Variants in KDM3B observed in about 807,000 individuals in gnomAD.
KDM3B encodes the protein lysine-specific demethylase 3B.
Under a neutral mutation model 170.0 loss-of-function variants are expected in KDM3B, and 10 were observed. That is an observed-to-expected ratio of 0.06 (90% CI 0.04 to 0.10). KDM3B has a LOEUF of 0.10. KDM3B is among the 10% of genes least tolerant of loss of function. The pLI is 1.00. For synonymous variants in KDM3B, 831 were observed against 834.8 expected, an observed-to-expected ratio of 1.00 and a Z score of 0.08; for missense variants, 1,394 against 2,195.2, an observed-to-expected ratio of 0.64 and a Z score of 7.29.
intron 12 of KDM3B, 59 bp downstream of exon 12, chr5:138,415,298 A>C (rs1763074018): frequency 9.2e-6 from 10 of 1,086,946 alleles, no homozygotes; most frequent in African/African-American, 1.6e-5. Flanking sequence ...AGATAGCCAT[A>C]CACCATAAAA....
chr5:138,359,852 A>G (rs537343080), intron 1 of KDM3B, among the ~76,000 whole-genome samples: 1 of 151,994 alleles, frequency 6.6e-6, no homozygotes, highest in African/African-American at 2.4e-5. Flanking sequence ...TTAATCTTTC[A>G]TCTCTCTTTC....
intron 4 of KDM3B, among the ~76,000 whole-genome samples, chr5:138,378,802 GAT>G (rs374288567): frequency 2.0e-4 from 28 of 143,148 alleles, no homozygotes; most frequent in African/African-American, 4.2e-4. Context: ...TATATATCAT[GAT>G]ATATATATAT....
Position 138,436,833 on chromosome 5 carries a change from C to T in KDM3B, c.*1133C>T, listed in dbSNP as rs952304981. On this transcript the variant is annotated 3_prime_UTR_variant, in exon 24 of 24. Transcript: ENST00000314358. ...GGTGGGATTCATTGGCCCATAGGTA[C>T]ATTGGAAAATGTATATCTCTCCAGC... 2.0e-5 allele frequency: 3 copies of T among 151,290 alleles called. No homozygotes were observed. The highest frequency in any genetic ancestry group is 7.3e-5 in the African/African-American group (3 of 41,098). The allele number at this position is 151,290 out of a possible 1,614,324, so 9.4% of individuals were successfully genotyped here. A position where few individuals can be genotyped will look rare whatever the true frequency, so the allele number is the denominator to read the frequency against.
intron 16 of KDM3B, among the ~76,000 whole-genome samples, chr5:138,424,920 T>C (rs945571486): frequency 2.0e-5 from 3 of 152,254 alleles, no homozygotes; most frequent in African/African-American, 7.2e-5. Context: ...GGCATTGATA[T>C]CTTTAGAGAA....
chr5:138,393,745 G>A (rs565010013), intron 9 of KDM3B, among the ~76,000 whole-genome samples: 1 of 152,292 alleles, frequency 6.6e-6, no homozygotes, highest in South Asian at 2.1e-4. Context: ...CTTGAGTCAT[G>A]TTAAAAAGAC....
Position 138,380,335 on chromosome 5 carries a change from GATATATAATTTATATGAT to G in KDM3B, c.705+644_705+661del, listed in dbSNP as rs200488861. On this transcript the variant is annotated intron_variant, in intron 5 of 23. Transcript: ENST00000314358. The stretch of plus-strand genomic sequence containing the variant: ...TTTATATGATATATATGAGTTATAT[GATATATAATTTATATGAT>G]ATATATAATTTATATGCTCTATAAT... Among the ~76,000 whole-genome samples the G allele has an allele frequency of 9.4e-3, 1,396 of 148,392 alleles. 11 individuals are homozygous for G. Among genetic ancestry groups the G allele is most frequent in the Admixed American group, 0.027 (396 of 14,810 alleles).
chr5:138,355,250 G>T (rs1761421113), intron 1 of KDM3B, among the ~76,000 whole-genome samples: 2 of 152,198 alleles, frequency 1.3e-5, no homozygotes, highest in Non-Finnish European at 2.9e-5. Context: ...TTAAGGATGA[G>T]TAATTGAGGG....
chr5:138,368,474 G>T (rs1166587477), intron 1 of KDM3B, among the ~76,000 whole-genome samples: 1 of 151,866 alleles, frequency 6.6e-6, no homozygotes. Context: ...GAACTGCTGG[G>T]CTCAAGTGAT....
At position 138,425,363 on chromosome 5, in the gene KDM3B, G is replaced by A. The variant is rs775017870; in HGVS notation, c.4240-48G>A. On this transcript the variant is annotated intron_variant, in intron 16 of 23. Transcript: ENST00000314358. ...CCTATTCTGTCTCAGCCCTAGAGCT[G>A]GAAGTTTTTCCTAGATTGCTCTGAT... The A allele has an allele frequency of 9.1e-5, 144 of 1,583,292 alleles. 1 individual carries two copies. In the East Asian group the frequency reaches 3.2e-3, roughly 35 times the overall value.
rs1237522695 is a variant in KDM3B at position 138,432,969 on chromosome 5, C to T, written c.5205+1410C>T. ...CTGTGTTAGCCAGGATGGTCTTGAT[C>T]GCCTGACCTCGTGATCCGCCTGCCT... On this transcript the variant is annotated intron_variant, in intron 23 of 23. Transcript: ENST00000314358. Among the ~76,000 whole-genome samples, 3 of 152,126 alleles carry T rather than the reference C, an allele frequency of 2.0e-5. No homozygotes were observed. The East Asian group carries it at 5.8e-4, about 30-fold the overall frequency.
intron 11 of KDM3B, among the ~76,000 whole-genome samples, chr5:138,407,402 G>T (rs532564706): frequency 6.6e-6 from 1 of 152,004 alleles, no homozygotes; most frequent in African/African-American, 2.4e-5. Context: ...TAAGAACTTG[G>T]TCTTTTCCTC....
chr5:138,399,554 A>G (rs186946438), intron 10 of KDM3B, among the ~76,000 whole-genome samples: 1 of 151,814 alleles, frequency 6.6e-6, no homozygotes, highest in Non-Finnish European at 1.5e-5. Context: ...ATATATATAT[A>G]TATTTTTTTA....
chr5:138,398,883 ATTTCTTTTTTTTTT>A (rs1762608877), intron 10 of KDM3B, among the ~76,000 whole-genome samples: 1 of 135,188 alleles, frequency 7.4e-6, no homozygotes, highest in African/African-American at 2.6e-5. Context: ...TATATCCTAA[ATTTCTTTTTTTTTT>A]TTTTTTTTTG....
At position 138,436,611 on chromosome 5, in the gene KDM3B, C is replaced by A. The variant is rs1763679967; in HGVS notation, c.*911C>A. The A allele has an allele frequency of 6.6e-6, 1 of 152,126 alleles. No homozygotes were observed. The highest frequency in any genetic ancestry group is 2.4e-5 in the African/African-American group (1 of 41,412). 9.4% of individuals were successfully genotyped at this position (152,126 alleles called of 1,614,324 possible). A position where few individuals can be genotyped will look rare whatever the true frequency, so the allele number is the denominator to read the frequency against. ...GTCACATCTAAGCTGTGGTGTGTTC[C>A]CCATGTGTGTGTACAACACTGGTGA... On this transcript the variant is annotated 3_prime_UTR_variant, in exon 24 of 24. Transcript: ENST00000314358.
At chr5:138,363,412 A>G (rs867720490) in intron 1 of KDM3B, among the ~76,000 whole-genome samples, 9 of 151,896 alleles carry the variant, frequency 5.9e-5, no homozygotes, top group Non-Finnish European at 1.2e-4. Flanking sequence ...TGGGACTCCA[A>G]TCCAAGGTAC....
chr5:138,436,374 T>G lies in KDM3B; in HGVS notation c.*674T>G, dbSNP rs1246946529. On this transcript the variant is annotated 3_prime_UTR_variant, in exon 24 of 24. Coordinates refer to ENST00000314358, the MANE Select transcript of KDM3B (RefSeq NM_016604.4). ...TAGAATTTTTGAAATACCACAGTTG[T>G]TTTCCTGGATTATAAGGAAAGGCAC... 2.0e-5 allele frequency: 3 copies of G among 152,240 alleles called. No homozygotes were observed. The highest frequency in any genetic ancestry group is 4.4e-5 in the Non-Finnish European group (3 of 68,046). The allele number at this position is 152,240 out of a possible 1,614,324, so 9.4% of individuals were successfully genotyped here.
chr5:138,429,804 A>C, intron 20 of KDM3B, 22 bp from the exon 21 acceptor site: 1 of 1,612,434 alleles, frequency 6.2e-7, no homozygotes, highest in Non-Finnish European at 8.5e-7. Context: ...CTACATTGAA[A>C]GTGTCATTTT....
intron 5 of KDM3B, among the ~76,000 whole-genome samples, chr5:138,380,274 A>G (rs1762092987): frequency 6.6e-6 from 1 of 151,034 alleles, no homozygotes; most frequent in South Asian, 2.1e-4. Flanking sequence ...GGCATGAACC[A>G]CTGCACCCGG....
chr5:138,425,247 T>A (rs991910825), intron 16 of KDM3B, among the ~76,000 whole-genome samples, 164 bp from the exon 17 acceptor site: 1 of 152,208 alleles, frequency 6.6e-6, no homozygotes, highest in Non-Finnish European at 1.5e-5. Context: ...TTCCTTTCAC[T>A]TTAGTTGACA....
Sources: allele counts gnomAD v4.1 joint callset (sites outside exome capture counted in the v4.1 genomes callset), GRCh38; gene constraint gnomAD v4.1.1; transcripts MANE v1.5; gene names NCBI Gene and HGNC (gene_info 2026-07-23, HGNC 2026-07-21).